The following CLEC20A variants were observed in gnomAD, a reference collection of about 807,000 sequenced individuals.
CLEC20A encodes the protein C-type lectin domain containing 20A.
chr1:178,479,807 C>CAAA, intron 7 of CLEC20A, 192 bp from the exon 8 acceptor site: 1 of 278,566 alleles, frequency 3.6e-6, no homozygotes, highest in African/African-American at 2.5e-5. Context: ...ATTTTGTTAG[C>CAAA]AAAAAAAAAA....
intron 7 of CLEC20A, chr1:178,479,825 G>T: frequency 3.0e-6 from 1 of 333,566 alleles, no homozygotes; most frequent in Non-Finnish European, 5.3e-6. Flanking sequence ...AAAATTTAAT[G>T]ACAAAGAACA....
intron 7 of CLEC20A, 193 bp from the exon 8 acceptor site, chr1:178,479,808 A>C: frequency 3.8e-6 from 1 of 261,682 alleles, no homozygotes; most frequent in Non-Finnish European, 7.1e-6. Context: ...TTTTGTTAGC[A>C]AAAAAAAAAA....
intron 1 of CLEC20A, chr1:178,496,078 C>T (rs192508933): frequency 2.6e-4 from 39 of 152,390 alleles, no homozygotes; most frequent in African/African-American, 9.4e-4. Context: ...GAGGATGCTT[C>T]CTGTCACTGA....
chr1:178,489,091 G>A (rs1365531134), intron 4 of CLEC20A, among the ~76,000 whole-genome samples: 3 of 152,110 alleles, frequency 2.0e-5, no homozygotes, highest in Non-Finnish European at 4.4e-5. Context: ...GGCTGGGTGC[G>A]GTGGCTCATG....
At chr1:178,487,135 C>T (rs1649168044) in intron 5 of CLEC20A, among the ~76,000 whole-genome samples, 1 of 152,212 alleles carries the variant, frequency 6.6e-6, no homozygotes, top group African/African-American at 2.4e-5. Flanking sequence ...GGAGTGGCTT[C>T]GCGCGCTGGC....
intron 5 of CLEC20A, among the ~76,000 whole-genome samples, chr1:178,485,570 C>G (rs1202930072): frequency 1.3e-5 from 2 of 152,226 alleles, no homozygotes; most frequent in African/African-American, 4.8e-5. Context: ...GAATTGCTTT[C>G]CTGCCACAGC....
chr1:178,494,654 G>A (rs757297973), exon 2 of CLEC20A: 182 of 399,426 alleles, frequency 4.6e-4, no homozygotes, highest in Non-Finnish European at 7.2e-4. Context: ...AATCCAAGCC[G>A]GGGTGCTGGT....
chr1:178,494,762 G>T, exon 2 of CLEC20A: 1 of 399,264 alleles, frequency 2.5e-6, no homozygotes, highest in East Asian at 3.6e-5. Context: ...CCAGCTCAGC[G>T]CCTCCTTCAC....
At position 178,483,604 on chromosome 1, in the gene CLEC20A, G is replaced by A. The variant is rs183712690; in HGVS notation, c.929-322C>T. 750 of 191,464 alleles carry A rather than the reference G, an allele frequency of 3.9e-3. 3 individuals carry two copies. The highest frequency in any genetic ancestry group is 0.016 in the African/African-American group (689 of 43,188). 11.9% of individuals were successfully genotyped at this position (191,464 alleles called of 1,614,324 possible). A position where few individuals can be genotyped will look rare whatever the true frequency, so the allele number is the denominator to read the frequency against. On this transcript the variant is annotated intron_variant, in intron 5 of 7. Transcript: ENST00000623247. ...TTGTTCAGTAGCCTGTGCTCCAAAG[G>A]GCCTAATGTCCTTATTTTGTCTGCC...
chr1:178,492,267 C>T (rs1649283458), intron 3 of CLEC20A, among the ~76,000 whole-genome samples: 1 of 151,840 alleles, frequency 6.6e-6, no homozygotes, highest in Non-Finnish European at 1.5e-5. Context: ...CAGAGTGAGA[C>T]CATCCGTGTC....
At chr1:178,494,849 C>A (rs1226338290) in intron 1 of CLEC20A, 39 bp from the exon 2 acceptor site, 2 of 399,082 alleles carry the variant, frequency 5.0e-6, no homozygotes, top group East Asian at 3.6e-5. Context: ...GCTGTCCCCA[C>A]CCCAGCCCCT....
At chr1:178,479,801 T>G in intron 7 of CLEC20A, 186 bp from the exon 8 acceptor site, 1 of 374,300 alleles carries the variant, frequency 2.7e-6, no homozygotes. Flanking sequence ...AAATTAATTT[T>G]GTTAGCAAAA....
chr1:178,488,564 G>A, exon 5 of CLEC20A: 1 of 398,836 alleles, frequency 2.5e-6, no homozygotes, highest in Non-Finnish European at 4.4e-6. Context: ...AAGAGTGGAG[G>A]CAACTCTGCT....
upstream of CLEC20A, among the ~76,000 whole-genome samples, chr1:178,497,585 T>G (rs1649430159): frequency 6.6e-6 from 1 of 152,220 alleles, no homozygotes; most frequent in Non-Finnish European, 1.5e-5. Context: ...TCCAATCATA[T>G]TTCTACACAG....
intron 2 of CLEC20A, among the ~76,000 whole-genome samples, 156 bp downstream of exon 2, chr1:178,494,298 A>G (rs1344416848): frequency 2.0e-5 from 3 of 152,200 alleles, no homozygotes; most frequent in African/African-American, 7.2e-5. Context: ...ATGCACCTGT[A>G]GTCCCAGCTG....
At chr1:178,494,900 C>A (rs1414962388) in intron 1 of CLEC20A, 90 bp from the exon 2 acceptor site, 2 of 398,424 alleles carry the variant, frequency 5.0e-6, no homozygotes, top group Non-Finnish European at 8.8e-6. Flanking sequence ...GTGGGCCTCC[C>A]CAGCCTCTTC....
exon 8 of CLEC20A, chr1:178,479,418 T>C (rs373109231): frequency 4.1e-4 from 160 of 391,078 alleles, no homozygotes; most frequent in African/African-American, 3.1e-3. Flanking sequence ...AGGTCTGTGC[T>C]TTTTGGCACA....
chr1:178,486,941 C>T (rs1186239168), intron 5 of CLEC20A: 3 of 397,086 alleles, frequency 7.6e-6, no homozygotes, highest in Non-Finnish European at 1.3e-5. Flanking sequence ...GAGGCGGAAG[C>T]GCGCGAGTAG....
downstream of CLEC20A, chr1:178,478,855 A>G (rs955908973): frequency 6.6e-6 from 1 of 152,252 alleles, no homozygotes; most frequent in African/African-American, 2.4e-5. Context: ...TAAACATTTC[A>G]GACTAAAGTT....
Sources: allele counts gnomAD v4.1 joint callset (sites outside exome capture counted in the v4.1 genomes callset), GRCh38; gene constraint gnomAD v4.1.1; transcripts MANE v1.5; gene names NCBI Gene and HGNC (gene_info 2026-07-23, HGNC 2026-07-21).